The following CTNNA3 variants were observed in gnomAD, a reference collection of about 807,000 sequenced individuals.
CTNNA3 encodes the protein catenin alpha 3.
CTNNA3 carries 76 observed loss-of-function variants against 95.7 expected under a neutral mutation model. The ratio of observed to expected loss-of-function variants is 0.79; its 90% confidence interval spans 0.66 to 0.96. The LOEUF is 0.96. Ranked by LOEUF, CTNNA3 falls within the 40% of genes least tolerant of loss-of-function variation. The pLI is 0.00. For synonymous variants in CTNNA3, 431 were observed against 374.4 expected, an observed-to-expected ratio of 1.15 and a Z score of -1.74; for missense variants, 1,191 against 1,089.8, an observed-to-expected ratio of 1.09 and a Z score of -1.31.
chr10:66,100,651 G>T (rs973647572), intron 14 of CTNNA3, among the ~76,000 whole-genome samples: 1 of 152,132 alleles, frequency 6.6e-6, no homozygotes, highest in African/African-American at 2.4e-5. Context: ...TGGCTTCTAT[G>T]AAAAATTCTT....
chr10:67,116,680 T>C (rs773892906), intron 7 of CTNNA3, among the ~76,000 whole-genome samples: 84 of 150,008 alleles, frequency 5.6e-4, no homozygotes, highest in Non-Finnish European at 9.6e-4. Context: ...GAAATAAATC[T>C]AAGGATCGTA....
intron 11 of CTNNA3, among the ~76,000 whole-genome samples, chr10:66,427,820 A>C (rs1393798832): frequency 6.6e-6 from 1 of 152,128 alleles, no homozygotes; most frequent in African/African-American, 2.4e-5. Context: ...AAAGACCATC[A>C]ATTCTAGGAA....
At chr10:67,500,824 G>A (rs997400274) in intron 5 of CTNNA3, among the ~76,000 whole-genome samples, 1 of 152,106 alleles carries the variant, frequency 6.6e-6, no homozygotes, top group East Asian at 1.9e-4. Context: ...CTGCACGTGC[G>A]ATGGGTCTCC....
chr10:66,391,530 A>G (rs751777252), intron 11 of CTNNA3, among the ~76,000 whole-genome samples: 8 of 152,066 alleles, frequency 5.3e-5, no homozygotes, highest in Non-Finnish European at 7.4e-5. Flanking sequence ...TCTTTGTTCC[A>G]CTTGCTATTA....
intron 5 of CTNNA3, among the ~76,000 whole-genome samples, chr10:67,364,138 G>A (rs745584922): frequency 1.3e-4 from 20 of 152,154 alleles, no homozygotes; most frequent in African/African-American, 2.4e-4. Context: ...TGATCAAGTC[G>A]GCTTCATCTC....
At chr10:67,156,150 C>A (rs1589803480) in intron 7 of CTNNA3, among the ~76,000 whole-genome samples, 1 of 152,068 alleles carries the variant, frequency 6.6e-6, no homozygotes, top group South Asian at 2.1e-4. Flanking sequence ...TCTACTCTGT[C>A]ATTTATAATT....
intron 5 of CTNNA3, among the ~76,000 whole-genome samples, chr10:67,396,065 T>C (rs905707303): frequency 3.3e-5 from 5 of 152,204 alleles, no homozygotes; most frequent in African/African-American, 4.8e-5. Flanking sequence ...AGAAAGATCA[T>C]TGAAAATTTT....
At chr10:67,403,691 C>T (rs1317723948) in intron 5 of CTNNA3, among the ~76,000 whole-genome samples, 2 of 152,196 alleles carry the variant, frequency 1.3e-5, no homozygotes, top group Non-Finnish European at 2.9e-5. Flanking sequence ...AAACACAGCA[C>T]AGCTGCTCTA....
intron 11 of CTNNA3, among the ~76,000 whole-genome samples, chr10:66,491,587 AAGTCC>A (rs1199893932): frequency 4.4e-4 from 67 of 152,162 alleles, no homozygotes; most frequent in Non-Finnish European, 8.4e-4. Flanking sequence ...CTCCTATATG[AAGTCC>A]TTTTTATTTC....
At chr10:67,201,522 T>C (rs745598263) in intron 6 of CTNNA3, among the ~76,000 whole-genome samples, 2 of 152,128 alleles carry the variant, frequency 1.3e-5, no homozygotes, top group African/African-American at 2.4e-5. Flanking sequence ...ATTTTTTCCT[T>C]TTACTCTGAA....
intron 7 of CTNNA3, among the ~76,000 whole-genome samples, chr10:67,161,749 A>G (rs1861560555): frequency 6.6e-6 from 1 of 152,136 alleles, no homozygotes; most frequent in Non-Finnish European, 1.5e-5. Context: ...TTAGCAGAAC[A>G]GATTAAAGAC....
intron 10 of CTNNA3, among the ~76,000 whole-genome samples, chr10:66,620,401 C>T (rs529356571): frequency 3.5e-4 from 53 of 151,956 alleles, no homozygotes; most frequent in African/African-American, 1.3e-3. Flanking sequence ...AGCAAGTCAC[C>T]GAATTAGAAA....
At chr10:67,294,508 A>C (rs1027126994) in intron 5 of CTNNA3, among the ~76,000 whole-genome samples, 2 of 152,150 alleles carry the variant, frequency 1.3e-5, no homozygotes, top group African/African-American at 2.4e-5. Context: ...TACAAATAAA[A>C]TGTTTTGATT....
intron 7 of CTNNA3, among the ~76,000 whole-genome samples, chr10:67,121,871 G>C (rs1167451402): frequency 1.3e-5 from 2 of 149,104 alleles, no homozygotes; most frequent in East Asian, 4.0e-4. Flanking sequence ...ATATCTTCCA[G>C]GTTTTCTAGA....
At chr10:67,452,059 A>AAAGGAAGGAAGG (rs749951862) in intron 5 of CTNNA3, among the ~76,000 whole-genome samples, 95 of 100,806 alleles carry the variant, frequency 9.4e-4, no homozygotes, top group African/African-American at 4.4e-3. Flanking sequence ...GGGAGGGAGG[A>AAAGGAAGGAAGG]ATGGAAGGAA....
rs538378374 is a variant in CTNNA3 at position 67,581,573 on chromosome 10, T to C, written c.292+25284A>G. On this transcript the variant is annotated intron_variant, in intron 3 of 17. Transcript: ENST00000433211. ...TGGTATCAGGATGATGCTGGCCTCA[T>C]AAAATGAGTTAGGGAGGATTCCCTC... 2.7e-4 allele frequency among the ~76,000 whole-genome samples: 41 copies of C among 152,322 alleles called. No individual in the cohort carries two copies. In the East Asian group the frequency reaches 5.6e-3, roughly 21 times the overall value.
chr10:66,053,775 T>A (rs1160468897), intron 15 of CTNNA3, among the ~76,000 whole-genome samples: 1 of 152,110 alleles, frequency 6.6e-6, no homozygotes. Context: ...AATATTTTAA[T>A]TCTACTCCTT....
intron 5 of CTNNA3, among the ~76,000 whole-genome samples, chr10:67,288,372 C>G (rs1398302935): frequency 6.6e-6 from 1 of 152,140 alleles, no homozygotes; most frequent in East Asian, 1.9e-4. Context: ...GCATACAAAT[C>G]CCAACAAGTA....
At chr10:67,579,986 T>C (rs931311352) in intron 3 of CTNNA3, among the ~76,000 whole-genome samples, 9 of 152,346 alleles carry the variant, frequency 5.9e-5, no homozygotes, top group African/African-American at 2.2e-4. Flanking sequence ...TGAAAAAATT[T>C]TCTCCCATTC....
Sources: allele counts gnomAD v4.1 joint callset (sites outside exome capture counted in the v4.1 genomes callset), GRCh38; gene constraint gnomAD v4.1.1; transcripts MANE v1.5; gene names NCBI Gene and HGNC (gene_info 2026-07-23, HGNC 2026-07-21).